The following ATRIP variants were observed in gnomAD, a reference collection of about 807,000 sequenced individuals.
The protein encoded by ATRIP is ATR interacting protein.
A neutral mutation model predicts 78.1 loss-of-function variants in ATRIP; 44 were observed. The observed-to-expected ratio is 0.56, with a 90% CI of 0.44 to 0.72. The LOEUF is 0.72. ATRIP is among the 30% of genes least tolerant of loss of function. ATRIP has a pLI of 0.00. For synonymous variants in ATRIP, 388 were observed against 408.9 expected, an observed-to-expected ratio of 0.95 and a Z score of 0.62; for missense variants, 927 against 980.2, an observed-to-expected ratio of 0.95 and a Z score of 0.72.
chr3:48,467,126 T>G lies in ATRIP; in HGVS notation c.*1572T>G, dbSNP rs751022472. The G allele has an allele frequency of 1.7e-5, 27 of 1,613,948 alleles. No individual in the cohort carries two copies. In the South Asian group the frequency reaches 2.2e-4, roughly 13 times the overall value. On this transcript the variant is annotated 3_prime_UTR_variant, in exon 13 of 13. Coordinates refer to ENST00000320211, the MANE Select transcript of ATRIP (RefSeq NM_130384.3). The stretch of plus-strand genomic sequence containing the variant: ...GTGCCTTCTGTGTGGATAGCATCAC[T>G]GCGCTGAAGGCCCTGGAGCGAGCAA...
chr3:48,448,111 T>C (rs965125576), intron 1 of ATRIP, among the ~76,000 whole-genome samples: 2 of 152,294 alleles, frequency 1.3e-5, no homozygotes, highest in East Asian at 3.9e-4. Context: ...CTGAGTGATC[T>C]TTTCAAAACT....
intron 2 of ATRIP, chr3:48,450,518 A>G (rs752675830): frequency 5.1e-5 from 66 of 1,292,110 alleles, no homozygotes; most frequent in Non-Finnish European, 6.7e-5. Context: ...GACACTTCAT[A>G]TCACCATCTG....
At chr3:48,450,738 C>T (rs753687308) in intron 2 of ATRIP, among the ~76,000 whole-genome samples, 1 of 152,004 alleles carries the variant, frequency 6.6e-6, no homozygotes. Context: ...AGGTGTGCAC[C>T]ACGACGCCCA....
intron 4 of ATRIP, among the ~76,000 whole-genome samples, chr3:48,455,948 C>T (rs997572067): frequency 6.6e-6 from 1 of 152,006 alleles, no homozygotes; most frequent in East Asian, 2.0e-4. Flanking sequence ...TGATGAAACC[C>T]TGTCTCTACT....
Position 48,465,633 on chromosome 3 carries a change from G to A in ATRIP, c.*79G>A. The stretch of plus-strand genomic sequence containing the variant: ...CATCAACTGATTAAAGCAGTGACCA[G>A]CAGGAACTGCCCAGAGAACTGGCTG... On this transcript the variant is annotated 3_prime_UTR_variant, in exon 13 of 13. Coordinates refer to ENST00000320211, the MANE Select transcript of ATRIP (RefSeq NM_130384.3). The A allele has an allele frequency of 1.4e-6, 2 of 1,396,130 alleles. No individual in the cohort carries two copies. Among genetic ancestry groups the A allele is most frequent in the Admixed American group, 1.7e-5 (1 of 58,056 alleles). 86.5% of individuals were successfully genotyped at this position (1,396,130 alleles called of 1,614,324 possible).
rs577465983 is a variant in ATRIP at position 48,466,209 on chromosome 3, G to C, written c.*655G>C. 1,349 of 563,800 alleles carry C rather than the reference G, an allele frequency of 2.4e-3. 5 individuals are homozygous for C. The highest frequency in any genetic ancestry group is 3.1e-3 in the Non-Finnish European group (956 of 311,752). The allele number at this position is 563,800 out of a possible 1,614,324, so 34.9% of individuals were successfully genotyped here. ...CGGGCCTGGCTCACGTGGGCCTGTA[G>C]GCGGGCCCACGCCAAGTTTCACTTC... On this transcript the variant is annotated 3_prime_UTR_variant, in exon 13 of 13. Coordinates refer to ENST00000320211, the MANE Select transcript of ATRIP (RefSeq NM_130384.3).
intron 1 of ATRIP, among the ~76,000 whole-genome samples, chr3:48,449,665 C>T (rs571107491): frequency 1.3e-5 from 2 of 151,116 alleles, no homozygotes; most frequent in African/African-American, 4.9e-5. Flanking sequence ...CAGTGGCTGA[C>T]GCCTGTAATC....
intron 1 of ATRIP, among the ~76,000 whole-genome samples, chr3:48,448,599 C>T (rs2039748552): frequency 6.6e-6 from 1 of 152,274 alleles, no homozygotes; most frequent in South Asian, 2.1e-4. Context: ...CTCTCTGGGT[C>T]CTGGCTGCAC....
chr3:48,463,759 TC>T lies in ATRIP; in HGVS notation c.1762del (p.Gln588LysfsTer105). The T allele has an allele frequency of 6.2e-7, 1 of 1,614,094 alleles. No homozygotes were observed. Among genetic ancestry groups the T allele is most frequent in the Middle Eastern group, 1.6e-4 (1 of 6,062 alleles). On this transcript the variant is annotated frameshift_variant, in exon 9 of 13. Coordinates refer to ENST00000320211, the MANE Select transcript of ATRIP (RefSeq NM_130384.3). LOFTEE classifies it high-confidence loss of function. ...CTGTCTTTTAGGTTCCAGTGTGTGTTCCAAGTGCTGCCAAAGTGCCTCAGCC... is the reference window on the plus strand; with the variant it reads ...CTGTCTTTTAGGTTCCAGTGTGTGTTCAAGTGCTGCCAAAGTGCCTCAGCC... ...CDFLPRFQCV[F>X]QVLPKCLSPE... is the part of the protein sequence containing the mutation.
Position 48,467,563 on chromosome 3 carries a change from C to G in ATRIP, c.*2009C>G, listed in dbSNP as rs765487310. On this transcript the variant is annotated 3_prime_UTR_variant, in exon 13 of 13. Coordinates refer to ENST00000320211, the MANE Select transcript of ATRIP (RefSeq NM_130384.3). ...GCCATCCTGACCTTGGCAGTAGCCA[C>G]ACTGTATGGACTATCCCTGGCCACA... is the stretch of plus-strand genomic sequence containing the variant. The G allele has an allele frequency of 6.2e-7, 1 of 1,613,806 alleles. No homozygotes were observed. The highest frequency in any genetic ancestry group is 8.5e-7 in the Non-Finnish European group (1 of 1,179,936).
At chr3:48,464,443 GTCCCACACCACTTC>G in intron 10 of ATRIP, 125 bp from the exon 11 acceptor site, 2 of 1,008,206 alleles carry the variant, frequency 2.0e-6, no homozygotes, top group Non-Finnish European at 3.0e-6. Flanking sequence ...CCCTGGGAAG[GTCCCACACCACTTC>G]TTGGACCCCA....
intron 1 of ATRIP, among the ~76,000 whole-genome samples, chr3:48,448,528 G>A (rs1312957523): frequency 2.6e-5 from 4 of 152,218 alleles, no homozygotes; most frequent in Non-Finnish European, 5.9e-5. Context: ...ATTTCTTCTA[G>A]TGTGAAGACC....
chr3:48,457,586 A>G (rs1291317587), intron 5 of ATRIP, among the ~76,000 whole-genome samples, 170 bp downstream of exon 5: 2 of 152,214 alleles, frequency 1.3e-5, no homozygotes, highest in Non-Finnish European at 2.9e-5. Context: ...AAGCTGGAGG[A>G]TCTATTTCAA....
intron 8 of ATRIP, chr3:48,461,532 C>G (rs1337582177): frequency 6.6e-6 from 1 of 152,254 alleles, no homozygotes; most frequent in East Asian, 1.9e-4. Flanking sequence ...TTTCCTAGAT[C>G]TGTTTCCATC....
intron 3 of ATRIP, among the ~76,000 whole-genome samples, chr3:48,452,695 A>C (rs2039863358): frequency 6.6e-6 from 1 of 151,884 alleles, no homozygotes; most frequent in African/African-American, 2.4e-5. Flanking sequence ...ACCCTGTTTC[A>C]AAAAAAGACT....
intron 5 of ATRIP, 49 bp from the exon 6 acceptor site, chr3:48,459,310 G>T: frequency 6.7e-7 from 1 of 1,483,082 alleles, no homozygotes; most frequent in South Asian, 1.1e-5. Flanking sequence ...TTTCTAATAT[G>T]CCCATGCTTC....
chr3:48,467,046 T>A lies in ATRIP; in HGVS notation c.*1492T>A. 1.2e-6 allele frequency: 2 copies of A among 1,613,942 alleles called. No homozygotes were observed. Among genetic ancestry groups the A allele is most frequent in the Non-Finnish European group, 1.7e-6 (2 of 1,180,028 alleles). On this transcript the variant is annotated 3_prime_UTR_variant, in exon 13 of 13. Coordinates refer to ENST00000320211, the MANE Select transcript of ATRIP (RefSeq NM_130384.3). The stretch of plus-strand genomic sequence containing the variant: ...GGCACACAATGGTGACCGCTACGAC[T>A]TCCCCCTGCTCCAAGCAGAGCTGGC...
intron 7 of ATRIP, 48 bp from the exon 8 acceptor site, chr3:48,460,062 T>C: frequency 6.4e-7 from 1 of 1,571,972 alleles, no homozygotes; most frequent in Non-Finnish European, 8.6e-7. Context: ...GCTCTTGACC[T>C]TATCTCCATC....
rs2107263437 is a variant in ATRIP at position 48,467,344 on chromosome 3, G to C, written c.*1790G>C. 6.2e-7 allele frequency: 1 copy of C among 1,614,162 alleles called. No individual in the cohort carries two copies. On this transcript the variant is annotated 3_prime_UTR_variant, in exon 13 of 13. Coordinates refer to ENST00000320211, the MANE Select transcript of ATRIP (RefSeq NM_130384.3). ...CACGCCAGGCCTTTCGGCACCATCAGGCCCATGTATGGGGTCACAGCCTCT... is the reference window on the plus strand; with the variant it reads ...CACGCCAGGCCTTTCGGCACCATCACGCCCATGTATGGGGTCACAGCCTCT...
Sources: allele counts gnomAD v4.1 joint callset (sites outside exome capture counted in the v4.1 genomes callset), GRCh38; gene constraint gnomAD v4.1.1; transcripts MANE v1.5; gene names NCBI Gene and HGNC (gene_info 2026-07-23, HGNC 2026-07-21).